Variants in RCAN2 observed in about 807,000 individuals in gnomAD.
RCAN2 encodes the protein calcipressin-2.
RCAN2 carries 9 observed loss-of-function variants against 23.6 expected under a neutral mutation model. That is an observed-to-expected ratio of 0.38 (90% confidence interval 0.23 to 0.67). The LOEUF is 0.67. RCAN2 is among the 30% of genes least tolerant of loss of function. The pLI is 0.51. For synonymous variants in RCAN2, 109 were observed against 115.7 expected (o/e 0.94, Z 0.37); for missense variants, 273 against 302.3 (o/e 0.90, Z 0.72).
chr6:46,467,499 A>T (rs1054846910), intron 1 of RCAN2, among the ~76,000 whole-genome samples: 1 of 152,230 alleles, frequency 6.6e-6, no homozygotes, highest in African/African-American at 2.4e-5. Context: ...TTCTCAACAG[A>T]GCAACCTTCT....
chr6:46,475,188 T>C (rs1453656100), intron 1 of RCAN2, among the ~76,000 whole-genome samples: 1 of 152,148 alleles, frequency 6.6e-6, no homozygotes, highest in East Asian at 1.9e-4. Flanking sequence ...TCTATGACTA[T>C]TGGTTACGGA....
intron 4 of RCAN2, among the ~76,000 whole-genome samples, chr6:46,235,559 T>C (rs1472279585): frequency 6.6e-6 from 1 of 152,218 alleles, no homozygotes; most frequent in Non-Finnish European, 1.5e-5. Flanking sequence ...CAAACTCACA[T>C]GTCTAAAGTA....
chr6:46,407,270 G>C (rs540368724), intron 2 of RCAN2, among the ~76,000 whole-genome samples: 1 of 152,294 alleles, frequency 6.6e-6, no homozygotes, highest in South Asian at 2.1e-4. Context: ...GATGAAACCA[G>C]GTACAAAGCT....
chr6:46,291,470 T>A (rs1233071673), intron 2 of RCAN2, among the ~76,000 whole-genome samples: 1 of 151,770 alleles, frequency 6.6e-6, no homozygotes. Flanking sequence ...ACAATGCTAG[T>A]GGAATCAGGT....
chr6:46,371,727 T>C (rs1475976459), intron 2 of RCAN2, among the ~76,000 whole-genome samples: 2 of 152,204 alleles, frequency 1.3e-5, no homozygotes, highest in East Asian at 3.9e-4. Context: ...GAGATCAAGA[T>C]GGAGTCAGCT....
chr6:46,334,921 G>T lies in RCAN2; in HGVS notation c.226-86025C>A, dbSNP rs113596774. On this transcript the variant is annotated intron_variant, in intron 2 of 4. Coordinates refer to ENST00000371374, the MANE Select transcript of RCAN2 (RefSeq NM_001251974.2). ...TCCATCCTCAATATCAGAACCAAGT[G>T]CATTCATCTGGGCAGTACCATGTTT... Among the ~76,000 whole-genome samples, 42 of 152,048 alleles carry T rather than the reference G, an allele frequency of 2.8e-4. 2 individuals carry two copies. The highest frequency in any genetic ancestry group is 4.4e-5 in the Non-Finnish European group (3 of 68,002).
intron 1 of RCAN2, among the ~76,000 whole-genome samples, chr6:46,479,897 A>G (rs1403074946): frequency 6.6e-6 from 1 of 152,088 alleles, no homozygotes; most frequent in Non-Finnish European, 1.5e-5. Context: ...CTTTATCCAC[A>G]GCAAAACTAA....
At chr6:46,347,093 T>G (rs1296186268) in intron 2 of RCAN2, among the ~76,000 whole-genome samples, 2 of 152,136 alleles carry the variant, frequency 1.3e-5, no homozygotes, top group Non-Finnish European at 2.9e-5. Flanking sequence ...GCCAGGATAG[T>G]CTCAATCACC....
chr6:46,462,529 T>C (rs1175971937), intron 1 of RCAN2, among the ~76,000 whole-genome samples: 3 of 152,232 alleles, frequency 2.0e-5, no homozygotes, highest in Non-Finnish European at 4.4e-5. Flanking sequence ...ATATGTTTCC[T>C]ACCTTAAAGA....
At chr6:46,281,149 C>A (rs1023713855) in intron 2 of RCAN2, among the ~76,000 whole-genome samples, 1 of 152,088 alleles carries the variant, frequency 6.6e-6, no homozygotes, top group African/African-American at 2.4e-5. Flanking sequence ...GTCAGAGACA[C>A]CAGGCCACAG....
At chr6:46,371,364 G>A (rs1263484523) in intron 2 of RCAN2, among the ~76,000 whole-genome samples, 2 of 152,198 alleles carry the variant, frequency 1.3e-5, no homozygotes, top group Non-Finnish European at 2.9e-5. Flanking sequence ...CACTTGGGAA[G>A]CATGAGCACA....
intron 2 of RCAN2, among the ~76,000 whole-genome samples, chr6:46,396,607 T>C (rs1766095620): frequency 1.3e-5 from 2 of 152,212 alleles, no homozygotes; most frequent in South Asian, 4.1e-4. Flanking sequence ...ACGGCTGTAC[T>C]GGTAATTTGC....
At chr6:46,350,066 C>G (rs1449416673) in intron 2 of RCAN2, among the ~76,000 whole-genome samples, 1 of 152,170 alleles carries the variant, frequency 6.6e-6, no homozygotes, top group East Asian at 1.9e-4. Context: ...CCTATCACAT[C>G]ATAGTTTTAT....
intron 2 of RCAN2, among the ~76,000 whole-genome samples, chr6:46,452,654 G>A (rs1278665249): frequency 6.6e-6 from 1 of 152,166 alleles, no homozygotes; most frequent in East Asian, 1.9e-4. Context: ...CACGCACCCA[G>A]GAAGTAGAGT....
At chr6:46,450,731 A>G (rs1044622550) in intron 2 of RCAN2, among the ~76,000 whole-genome samples, 4 of 152,188 alleles carry the variant, frequency 2.6e-5, no homozygotes, top group African/African-American at 9.6e-5. Context: ...AGAGGATAAA[A>G]ATGTCAGACA....
At chr6:46,397,334 C>G (rs747134180) in intron 2 of RCAN2, among the ~76,000 whole-genome samples, 1 of 150,740 alleles carries the variant, frequency 6.6e-6, no homozygotes, top group Non-Finnish European at 1.5e-5. Flanking sequence ...TGATTATAAT[C>G]ATTACACAAA....
rs1767897735 is a variant in RCAN2, at chr6:46,452,060, T to C, written c.225+4692A>G. Among the ~76,000 whole-genome samples, 3 of 152,326 alleles carry C rather than the reference T, an allele frequency of 2.0e-5. No individual in the cohort carries two copies. The South Asian group carries it at 6.2e-4, about 32-fold the overall frequency. On this transcript the variant is annotated intron_variant, in intron 2 of 4. Coordinates refer to ENST00000371374, the MANE Select transcript of RCAN2 (RefSeq NM_001251974.2). ...CTTATTTTGAATAGACCACTCTTGG[T>C]ACATTATAAATTAAATTTAAGCCTA... is the stretch of plus-strand genomic sequence containing the variant.
chr6:46,434,212 GCT>G (rs1018086971), intron 2 of RCAN2, among the ~76,000 whole-genome samples: 1 of 152,164 alleles, frequency 6.6e-6, no homozygotes, highest in Admixed American at 6.5e-5. Context: ...TGATAAAAGT[GCT>G]GAGCCTAACC....
chr6:46,373,809 C>T (rs1021017932), intron 2 of RCAN2, among the ~76,000 whole-genome samples: 1 of 152,108 alleles, frequency 6.6e-6, no homozygotes, highest in African/African-American at 2.4e-5. Context: ...CTCTGTCTCT[C>T]TCTTTCTCCA....
Sources: allele counts gnomAD v4.1 joint callset (sites outside exome capture counted in the v4.1 genomes callset), GRCh38; gene constraint gnomAD v4.1.1; transcripts MANE v1.5; gene names NCBI Gene and HGNC (gene_info 2026-07-23, HGNC 2026-07-21).